HAUS1: variants seen among roughly 807,000 people sequenced by gnomAD.
HAUS1 encodes HAUS augmin-like complex subunit 1.
In HAUS1, 25 loss-of-function variants were observed where a neutral mutation model predicts 38.6. That is an observed-to-expected ratio of 0.65 (90% confidence interval 0.47 to 0.91). HAUS1 has a LOEUF of 0.91. Among genes scored for constraint, HAUS1 ranks in the 40% least tolerant of loss-of-function variants. The pLI, the probability that HAUS1 is intolerant of heterozygous loss-of-function variation, is 0.00. For synonymous variants in HAUS1, 109 were observed against 112.9 expected (o/e 0.97, Z 0.22); for missense variants, 325 against 328.4 (o/e 0.99, Z 0.08).
chr18:46,122,179 C>CA (rs1224712307), intron 4 of HAUS1, among the ~76,000 whole-genome samples: 7 of 152,056 alleles, frequency 4.6e-5, no homozygotes, highest in African/African-American at 1.7e-4. Context: ...GGCATAGTGG[C>CA]ATGTGTCTGT....
intron 8 of HAUS1, 26 bp from the exon 9 acceptor site, chr18:46,128,049 T>C (rs903246717): frequency 2.1e-6 from 3 of 1,442,862 alleles, no homozygotes; most frequent in Admixed American, 4.5e-5. Context: ...TATGTCCTTA[T>C]CTATGGTATG....
chr18:46,115,458 CAAA>C (rs35249053), intron 2 of HAUS1, among the ~76,000 whole-genome samples: 130 of 108,814 alleles, frequency 1.2e-3, no homozygotes, highest in African/African-American at 2.8e-3. Context: ...GACTGCATCT[CAAA>C]AAAAAAAAAA....
chr18:46,120,138 T>A, intron 4 of HAUS1, 78 bp downstream of exon 4: 1 of 1,002,436 alleles, frequency 1.0e-6, no homozygotes, highest in Non-Finnish European at 1.4e-6. Context: ...GTTTTGGCAG[T>A]AGGTGTGATT....
intron 2 of HAUS1, among the ~76,000 whole-genome samples, chr18:46,117,951 G>GA (rs1231113558): frequency 6.6e-6 from 1 of 151,274 alleles, no homozygotes; most frequent in Non-Finnish European, 1.5e-5. Context: ...ATTTCAAAAA[G>GA]AAAAATAAAG....
chr18:46,112,998 A>ATATATATGGAATATATATATTCCATAT (rs1568263601), intron 2 of HAUS1, among the ~76,000 whole-genome samples: 1,349 of 69,544 alleles, frequency 0.019, 139 homozygotes, highest in African/African-American at 0.084. Flanking sequence ...TATATATTCC[A>ATATATATGGAATATATATATTCCATAT]TATATATGGA....
chr18:46,111,069 G>T (rs549133912), intron 2 of HAUS1, among the ~76,000 whole-genome samples: 1 of 151,594 alleles, frequency 6.6e-6, no homozygotes, highest in African/African-American at 2.4e-5. Context: ...GTAGAAACAG[G>T]GTTTCTCCGT....
chr18:46,116,497 G>C (rs1762422725), intron 2 of HAUS1, among the ~76,000 whole-genome samples: 1 of 151,950 alleles, frequency 6.6e-6, no homozygotes, highest in Admixed American at 6.6e-5. Context: ...GCAGGTGGAG[G>C]TTGCAGTGAG....
chr18:46,107,682 A>G (rs1911513966), intron 2 of HAUS1, among the ~76,000 whole-genome samples: 1 of 152,246 alleles, frequency 6.6e-6, no homozygotes. Flanking sequence ...AAAACTGAGT[A>G]GTAATGCCAT....
chr18:46,124,625 A>C (rs1002554803), intron 6 of HAUS1, among the ~76,000 whole-genome samples, 197 bp from the exon 7 acceptor site: 1 of 152,064 alleles, frequency 6.6e-6, no homozygotes. Context: ...TAAGACTATA[A>C]CTTTCCTATT....
chr18:46,125,794 A>G lies in HAUS1; in HGVS notation c.786+3A>G, dbSNP rs779629060. The G allele has an allele frequency of 6.4e-7, 1 of 1,570,464 alleles. No individual in the cohort carries two copies. The highest frequency in any genetic ancestry group is 1.1e-5 in the South Asian group (1 of 87,762). On this transcript the variant is annotated splice_donor_region_variant and intron_variant, in intron 8 of 8. Coordinates refer to ENST00000282058, the MANE Select transcript of HAUS1 (RefSeq NM_138443.4). ...TTGAAGAAGCAAAGCGAGAACTAGT[A>G]AGTAGTTCCTGTAATTTTTTCAGAT... is the stretch of plus-strand genomic sequence containing the variant.
intron 5 of HAUS1, among the ~76,000 whole-genome samples, chr18:46,122,818 CGTGA>C (rs1433328241): frequency 6.6e-6 from 1 of 152,136 alleles, no homozygotes; most frequent in African/African-American, 2.4e-5. Flanking sequence ...GTCACAAATG[CGTGA>C]GTGTGGAAAG....
chr18:46,113,542 CA>C (rs1911728460), intron 2 of HAUS1, among the ~76,000 whole-genome samples: 1 of 152,022 alleles, frequency 6.6e-6, no homozygotes, highest in Non-Finnish European at 1.5e-5. Context: ...TTATTTGATG[CA>C]ACATTGTCAT....
intron 6 of HAUS1, among the ~76,000 whole-genome samples, chr18:46,123,785 A>C (rs1018787346): frequency 6.6e-6 from 1 of 152,184 alleles, no homozygotes; most frequent in Non-Finnish European, 1.5e-5. Flanking sequence ...GGAAGAGAGA[A>C]ATAGAGGGTT....
At chr18:46,104,671 G>A (rs947164398) in intron 1 of HAUS1, among the ~76,000 whole-genome samples, 1 of 152,126 alleles carries the variant, frequency 6.6e-6, no homozygotes. Flanking sequence ...GCCCGGGAGA[G>A]GCGTTGAGCA....
rs201384968 is a variant in HAUS1 at position 46,123,317 on chromosome 18, G to C, written c.619G>C (p.Gly207Arg). The change falls in exon 6 of 9, where the codon GGC becomes CGC. Residue 207 changes from glycine (G) to arginine (R), a missense_variant. Coordinates refer to ENST00000282058, the MANE Select transcript of HAUS1 (RefSeq NM_138443.4). ...KAAEEQLSAR[G>R]MDASLSHQSL... ...ATTGTAGGAGCAACTTTCAGCCAGA[G>C]GCATGGATGCTTCTCTGTCTCATCA... is the stretch of plus-strand genomic sequence containing the variant. The C allele has an allele frequency of 1.2e-6, 2 of 1,611,972 alleles. No homozygotes were observed. The highest frequency in any genetic ancestry group is 8.5e-7 in the Non-Finnish European group (1 of 1,178,628).
chr18:46,119,888 C>A (rs1273466914), intron 3 of HAUS1, 38 bp from the exon 4 acceptor site: 4 of 1,493,088 alleles, frequency 2.7e-6, no homozygotes, highest in Admixed American at 2.5e-5. Flanking sequence ...TAATTATTGC[C>A]CATTAAGCCC....
At chr18:46,110,338 T>G (rs1197764953) in intron 2 of HAUS1, among the ~76,000 whole-genome samples, 2 of 118,234 alleles carry the variant, frequency 1.7e-5, no homozygotes, top group African/African-American at 3.4e-5. Flanking sequence ...TTAAGGTTTT[T>G]TTTTTTTTTT....
rs573363113 is a variant in HAUS1, at chr18:46,126,068, AG to A, written c.786+278del. ...AAGGTGGGTGGCATCTGAGGTCAGG[AG>A]TTCAAGACCAGCCTGGCCAACATGG... On this transcript the variant is annotated intron_variant, in intron 8 of 8. Transcript: ENST00000282058. 3.2e-4 allele frequency: 69 copies of A among 217,382 alleles called. 1 individual carries two copies. Among genetic ancestry groups the A allele is most frequent in the African/African-American group, 1.5e-3 (66 of 43,446 alleles). The allele number at this position is 217,382 out of a possible 1,614,324, so 13.5% of individuals were successfully genotyped here.
intron 2 of HAUS1, among the ~76,000 whole-genome samples, chr18:46,116,431 C>T (rs1331336377): frequency 1.3e-5 from 2 of 151,692 alleles, no homozygotes; most frequent in Non-Finnish European, 2.9e-5. Flanking sequence ...CATGGTGGTG[C>T]ACACCTGTAG....
Sources: gnomAD v4.1 joint callset for allele counts (sites outside exome capture counted in the v4.1 genomes callset) on GRCh38, gnomAD v4.1.1 for gene constraint, MANE v1.5 for transcripts, NCBI Gene and HGNC (gene_info 2026-07-23, HGNC 2026-07-21) for gene names.